The following NFATC1 variants were observed in gnomAD, a reference collection of about 807,000 sequenced individuals.
The protein encoded by NFATC1 is nuclear factor of activated T-cells, cytoplasmic 1.
A neutral mutation model predicts 76.0 loss-of-function variants in NFATC1; 22 were observed. The observed-to-expected ratio is 0.29, with a 90% CI of 0.21 to 0.41. The LOEUF (loss-of-function observed/expected upper bound fraction) is 0.41. NFATC1 is among the 10% of genes least tolerant of loss of function. NFATC1 has a pLI of 1.00. For synonymous variants in NFATC1, 704 were observed against 613.1 expected, an observed-to-expected ratio of 1.15 and a Z score of -2.19; for missense variants, 1,357 against 1,337.7, an observed-to-expected ratio of 1.01 and a Z score of -0.23.
In NFATC1 at chr18:79,406,740, G is replaced by A. The variant is rs559442212; in HGVS notation, c.128-3663G>A. Reference sequence around the variant, plus strand: ...CCTCAACGGGAACCCCCCAGGAGCCGCAGGCCTGCGCTCGACAAAACCCCC... The same window carrying A: ...CCTCAACGGGAACCCCCCAGGAGCCACAGGCCTGCGCTCGACAAAACCCCC... On this transcript the variant is annotated intron_variant, in intron 1 of 9. Coordinates refer to ENST00000427363, the MANE Select transcript of NFATC1 (RefSeq NM_001278669.2). 9.2e-5 allele frequency among the ~76,000 whole-genome samples: 14 copies of A among 152,154 alleles called. No individual in the cohort carries two copies. The South Asian group carries it at 1.2e-3, about 14-fold the overall frequency.
chr18:79,508,062 C>T (rs1375103391), intron 9 of NFATC1, among the ~76,000 whole-genome samples: 1 of 152,268 alleles, frequency 6.6e-6, no homozygotes, highest in Non-Finnish European at 1.5e-5. Context: ...ACAAATTAAA[C>T]TCTTGTTGAC....
chr18:79,403,767 A>T (rs1178156375), intron 1 of NFATC1, among the ~76,000 whole-genome samples: 1 of 152,266 alleles, frequency 6.6e-6, no homozygotes, highest in Admixed American at 6.5e-5. Context: ...AAGCTTTGGA[A>T]GACTTTTATT....
intron 1 of NFATC1, chr18:79,409,951 T>C: frequency 2.0e-6 from 1 of 499,434 alleles, no homozygotes; most frequent in South Asian, 1.5e-5. Context: ...ACGTGTTGAG[T>C]TTGGGGTTTA....
intron 9 of NFATC1, among the ~76,000 whole-genome samples, chr18:79,510,694 C>T (rs1213407487): frequency 1.3e-5 from 2 of 152,178 alleles, no homozygotes; most frequent in African/African-American, 2.4e-5. Flanking sequence ...GGTTTGGGAG[C>T]GGTCGGTTGA....
intron 8 of NFATC1, among the ~76,000 whole-genome samples, chr18:79,482,353 G>C (rs1398311532): frequency 7.1e-6 from 1 of 140,836 alleles, no homozygotes; most frequent in Non-Finnish European, 1.5e-5. Context: ...CCTGGTCCTG[G>C]GGTGTCATTC....
chr18:79,438,833 AC>A (rs1481926735), intron 3 of NFATC1, among the ~76,000 whole-genome samples: 1 of 152,148 alleles, frequency 6.6e-6, no homozygotes, highest in Non-Finnish European at 1.5e-5. Context: ...GCTGGTGCCC[AC>A]AGTGGCCTTG....
chr18:79,523,925 C>T (rs1467041738), intron 9 of NFATC1: 2 of 152,290 alleles, frequency 1.3e-5, no homozygotes, highest in African/African-American at 2.4e-5. Flanking sequence ...TCCCACACGC[C>T]GTGAGGGTCA....
intron 3 of NFATC1, among the ~76,000 whole-genome samples, chr18:79,438,857 T>C (rs1162308131): frequency 6.6e-6 from 1 of 152,180 alleles, no homozygotes; most frequent in Admixed American, 6.5e-5. Flanking sequence ...GGGCCTCTCC[T>C]TCCATTGCCC....
chr18:79,496,979 T>G (rs1403258140), intron 9 of NFATC1: 1 of 152,186 alleles, frequency 6.6e-6, no homozygotes, highest in Non-Finnish European at 1.5e-5. Context: ...GCCCGCATGC[T>G]CTCGCGGGTC....
At chr18:79,487,251 G>C (rs187953192) in intron 9 of NFATC1, among the ~76,000 whole-genome samples, 6 of 152,352 alleles carry the variant, frequency 3.9e-5, no homozygotes, top group Admixed American at 2.0e-4. Context: ...TGCTTCTGCA[G>C]CTGAATATGG....
intron 6 of NFATC1, among the ~76,000 whole-genome samples, chr18:79,454,494 C>T (rs1014937200): frequency 1.3e-4 from 20 of 152,172 alleles, no homozygotes; most frequent in Admixed American, 9.8e-4. Flanking sequence ...TGCGGGGAGC[C>T]GGCCGGGCAA....
intron 8 of NFATC1, among the ~76,000 whole-genome samples, chr18:79,485,981 C>T (rs1390192656): frequency 6.6e-6 from 1 of 152,218 alleles, no homozygotes; most frequent in Admixed American, 6.5e-5. Context: ...AGGACTCCCA[C>T]TGCAGTTTGC....
intron 9 of NFATC1, among the ~76,000 whole-genome samples, chr18:79,505,855 C>G (rs11662732): frequency 1.3e-5 from 1 of 75,742 alleles, no homozygotes; most frequent in Non-Finnish European, 3.0e-5. Flanking sequence ...GAGACTGCTG[C>G]GTGGGAGGAG....
At chr18:79,427,225 A>C (rs943951618) in intron 2 of NFATC1, among the ~76,000 whole-genome samples, 1 of 152,168 alleles carries the variant, frequency 6.6e-6, no homozygotes, top group Non-Finnish European at 1.5e-5. Context: ...CCCACGTCCC[A>C]TTGTCTGTGA....
At chr18:79,457,492 C>T (rs922695657) in intron 6 of NFATC1, among the ~76,000 whole-genome samples, 1 of 152,194 alleles carries the variant, frequency 6.6e-6, no homozygotes, top group Non-Finnish European at 1.5e-5. Flanking sequence ...CCTTCTCAGG[C>T]CTTTTGGGAT....
At chr18:79,443,054 G>A (rs920077373) in intron 3 of NFATC1, among the ~76,000 whole-genome samples, 1 of 152,218 alleles carries the variant, frequency 6.6e-6, no homozygotes, top group African/African-American at 2.4e-5. Flanking sequence ...TCAGGACTGA[G>A]CCTGTGGCTG....
chr18:79,485,656 G>A (rs1041094841), intron 8 of NFATC1, among the ~76,000 whole-genome samples: 12 of 152,224 alleles, frequency 7.9e-5, no homozygotes, highest in African/African-American at 2.9e-4. Context: ...GGAGCCCCCT[G>A]TTCCATCCAA....
In NFATC1 at chr18:79,486,937, G is replaced by A. The variant is rs780754685; in HGVS notation, c.2782G>A (p.Val928Ile). ...EELDQLYLDD[V>I]NEIIRNDLSS... ...GTTGGACCAGTTGTACCTGGATGAC[G>A]GTGAGTGCCCGCAGCCATGCAGGTG... Residue 928 changes from valine to isoleucine, a missense_variant and splice_region_variant, in exon 9 of 10, where the codon GTA becomes ATA. Physicochemically the swap from Val to Ile is conservative, Grantham distance 29 (BLOSUM62 3). Coordinates refer to ENST00000427363, the MANE Select transcript of NFATC1 (RefSeq NM_001278669.2). The A allele has an allele frequency of 3.1e-6, 5 of 1,589,426 alleles. No individual in the cohort carries two copies. The highest frequency in any genetic ancestry group is 2.3e-5 in the South Asian group (2 of 88,330).
chr18:79,475,255 CGTT>C (rs201486640), intron 8 of NFATC1, among the ~76,000 whole-genome samples: 41 of 149,420 alleles, frequency 2.7e-4, no homozygotes, highest in African/African-American at 8.5e-4. Context: ...TCACCGTCGA[CGTT>C]GTAAACCTGA....
Sources: allele counts gnomAD v4.1 joint callset (sites outside exome capture counted in the v4.1 genomes callset), GRCh38; gene constraint gnomAD v4.1.1; transcripts MANE v1.5; gene names NCBI Gene and HGNC (gene_info 2026-07-23, HGNC 2026-07-21).